Variants in DRICH1 observed in about 807,000 individuals in gnomAD.
The protein encoded by DRICH1 is aspartate-rich protein 1.
A neutral mutation model predicts 39.5 loss-of-function variants in DRICH1; 38 were observed. That is an observed-to-expected ratio of 0.96 (90% CI 0.74 to 1.26). The LOEUF (loss-of-function observed/expected upper bound fraction) is 1.26, where lower values mean the gene tolerates loss of function less well. DRICH1 is among the 50% of genes most tolerant of loss of function. The pLI, the probability that DRICH1 is intolerant of heterozygous loss-of-function variation, is 0.00. For missense variants in DRICH1, 279 were observed against 270.4 expected, an observed-to-expected ratio of 1.03 and a Z score of -0.22; for synonymous variants, 84 against 99.5, an observed-to-expected ratio of 0.84 and a Z score of 0.93.
At chr22:23,593,529 A>G in the DRICH1 span, among the ~76,000 whole-genome samples, 1 of 152,232 alleles carries the variant, frequency 6.6e-6, no homozygotes, top group African/African-American at 2.4e-5. Context: ...GGCCAGGCAC[A>G]GTGGCTCACG....
chr22:23,581,489 TGGCTCTGCTCACACTCCA>T, the DRICH1 span: 15 of 152,486 alleles, frequency 9.8e-5, no homozygotes, highest in African/African-American at 3.6e-4. Flanking sequence ...GAAATGCTGC[TGGCTCTGCTCACACTCCA>T]GGGCTGGGTT....
At chr22:23,583,557 G>C in the DRICH1 span, 1 of 152,248 alleles carries the variant, frequency 6.6e-6, no homozygotes, top group Non-Finnish European at 1.5e-5. Flanking sequence ...GTGAGCTCAG[G>C]CTCCATGGAC....
intron 2 of DRICH1, 88 bp downstream of exon 2, chr22:23,625,893 A>G: frequency 9.7e-7 from 1 of 1,029,098 alleles, no homozygotes; most frequent in South Asian, 1.3e-5. Flanking sequence ...CAGGCCTCTG[A>G]GTCCATTCTT....
chr22:23,589,575 A>T, the DRICH1 span, among the ~76,000 whole-genome samples: 1 of 152,240 alleles, frequency 6.6e-6, no homozygotes, highest in African/African-American at 2.4e-5. Context: ...TAGGTCACTT[A>T]TTAACATAAG....
chr22:23,608,802 C>G, intron 11 of DRICH1, 34 bp from the exon 12 acceptor site: 1 of 1,555,132 alleles, frequency 6.4e-7, no homozygotes, highest in Non-Finnish European at 8.7e-7. Context: ...TTAGTGAGAG[C>G]AGGCTCCCAG....
At position 23,632,204 on chromosome 22, in the gene DRICH1, C is replaced by T; in HGVS notation, c.-181G>A. 2 of 972,818 alleles carry T rather than the reference C, an allele frequency of 2.1e-6. No individual in the cohort carries two copies. The highest frequency in any genetic ancestry group is 3.0e-6 in the Non-Finnish European group (2 of 674,034). The allele number at this position is 972,818 out of a possible 1,614,324, so 60.3% of individuals were successfully genotyped here. ...TCCCAAACTAGCTGGTCTATGAGGT[C>T]AGGGACCTGCTGTCTTCTTTGAAAA... On this transcript the variant is annotated 5_prime_UTR_variant, in exon 1 of 12. The change abolishes the stop of an existing upstream ORF in the 5' untranslated region. Coordinates refer to ENST00000317749, the MANE Select transcript of DRICH1 (RefSeq NM_016449.4).
At chr22:23,622,298 TGG>T (rs200579507) in intron 3 of DRICH1, 122 bp from the exon 4 acceptor site, 10,404 of 882,444 alleles carry the variant, frequency 0.012, 341 homozygotes, top group East Asian at 0.089. Flanking sequence ...GAGTTAATGC[TGG>T]GCTATTCCCC....
At chr22:23,613,548 T>A in intron 10 of DRICH1, 91 bp downstream of exon 10, 1 of 1,085,726 alleles carries the variant, frequency 9.2e-7, no homozygotes, top group Non-Finnish European at 1.4e-6. Context: ...ACCCCAAGCC[T>A]CTTTCCCAGC....
At chr22:23,589,636 G>A in the DRICH1 span, among the ~76,000 whole-genome samples, 2 of 152,026 alleles carry the variant, frequency 1.3e-5, no homozygotes, top group East Asian at 1.9e-4. Context: ...CTAGTGTTAC[G>A]ACAAATGCAA....
At chr22:23,599,881 C>A in the DRICH1 span, among the ~76,000 whole-genome samples, 169 of 152,326 alleles carry the variant, frequency 1.1e-3, 1 homozygote, top group Non-Finnish European at 1.9e-3. Flanking sequence ...CCCAGTGCCA[C>A]AGCCCCCTTC....
intron 3 of DRICH1, 144 bp downstream of exon 3, chr22:23,624,739 T>C: frequency 9.4e-7 from 1 of 1,062,720 alleles, no homozygotes; most frequent in South Asian, 1.3e-5. Flanking sequence ...TTCTACATCC[T>C]CTCTGCTCAT....
At position 23,608,478 on chromosome 22, in the gene DRICH1, A is replaced by T; in HGVS notation, c.*286T>A. 1 of 496,840 alleles carries T rather than the reference A, an allele frequency of 2.0e-6. No individual in the cohort carries two copies. The highest frequency in any genetic ancestry group is 3.6e-6 in the Non-Finnish European group (1 of 275,954). The allele number at this position is 496,840 out of a possible 1,614,324, so 30.8% of individuals were successfully genotyped here. On this transcript the variant is annotated 3_prime_UTR_variant, in exon 12 of 12. Coordinates refer to ENST00000317749, the MANE Select transcript of DRICH1 (RefSeq NM_016449.4). The stretch of plus-strand genomic sequence containing the variant: ...AAATGCACTCAGTCTCTTTATTTCA[A>T]GTGGGAATGGCACTTTCTGCTCGTG...
chr22:23,625,820 C>G (rs1928026311), intron 2 of DRICH1, among the ~76,000 whole-genome samples, 161 bp downstream of exon 2: 1 of 152,268 alleles, frequency 6.6e-6, no homozygotes, highest in East Asian at 1.9e-4. Context: ...TGAAACCGTT[C>G]TGGGTGTGTC....
intron 1 of DRICH1, among the ~76,000 whole-genome samples, chr22:23,627,848 C>T (rs563436366): frequency 2.6e-5 from 4 of 152,236 alleles, no homozygotes; most frequent in African/African-American, 9.6e-5. Context: ...GGAACATTTC[C>T]ACAACTAAGC....
the DRICH1 span, among the ~76,000 whole-genome samples, chr22:23,601,879 G>T: frequency 6.6e-6 from 1 of 152,262 alleles, no homozygotes; most frequent in Non-Finnish European, 1.5e-5. Flanking sequence ...GGTTGCCGTG[G>T]TTGGGGTACA....
chr22:23,620,501 C>A, intron 5 of DRICH1, 93 bp downstream of exon 5: 1 of 1,397,280 alleles, frequency 7.2e-7, no homozygotes, highest in Non-Finnish European at 1.0e-6. Context: ...CACCACACCC[C>A]CAATATTTTT....
chr22:23,604,015 C>G (rs564684980), downstream of DRICH1, among the ~76,000 whole-genome samples: 156 of 152,328 alleles, frequency 1.0e-3, 3 homozygotes, highest in South Asian at 0.018. Flanking sequence ...GCTCATCCCT[C>G]TCCTGTTCCC....
chr22:23,590,002 A>G, the DRICH1 span, among the ~76,000 whole-genome samples: 4 of 152,162 alleles, frequency 2.6e-5, no homozygotes, highest in African/African-American at 7.2e-5. Flanking sequence ...CCGGATGTCT[A>G]TTGTTCTCTG....
chr22:23,631,266 A>G (rs2123802657), intron 1 of DRICH1, among the ~76,000 whole-genome samples: 1 of 152,102 alleles, frequency 6.6e-6, no homozygotes, highest in Admixed American at 6.6e-5. Flanking sequence ...AAAAATACAA[A>G]AAATTAGCCG....
Sources: gnomAD v4.1 joint callset for allele counts (sites outside exome capture counted in the v4.1 genomes callset) on GRCh38, gnomAD v4.1.1 for gene constraint, MANE v1.5 for transcripts, NCBI Gene and HGNC (gene_info 2026-07-23, HGNC 2026-07-21) for gene names.